The following PDE1C variants were observed in gnomAD, a reference collection of about 807,000 sequenced individuals.
PDE1C encodes phosphodiesterase 1C.
PDE1C carries 62 observed loss-of-function variants against 93.1 expected under a neutral mutation model. The ratio of observed to expected loss-of-function variants is 0.67; its 90% CI spans 0.54 to 0.82. The LOEUF is 0.82. PDE1C is among the 40% of genes least tolerant of loss of function. The probability of loss-of-function intolerance (pLI) is 0.00; values close to 1 mark genes in which losing one functional copy is unlikely to be tolerated. For synonymous variants in PDE1C, 325 were observed against 310.1 expected, an observed-to-expected ratio of 1.05 and a Z score of -0.50; for missense variants, 742 against 884.6, an observed-to-expected ratio of 0.84 and a Z score of 2.04.
At chr7:31,621,650 T>A in the PDE1C span, among the ~76,000 whole-genome samples, 2 of 146,964 alleles carry the variant, frequency 1.4e-5, no homozygotes, top group African/African-American at 5.1e-5. Flanking sequence ...CACTGCAAAA[T>A]CATGCCAAAA....
intron 11 of PDE1C, among the ~76,000 whole-genome samples, chr7:31,832,551 C>G (rs533542258): frequency 6.6e-6 from 1 of 152,278 alleles, no homozygotes; most frequent in East Asian, 1.9e-4. Flanking sequence ...ATTGAGATTT[C>G]CCATTTGAAT....
chr7:31,998,777 G>A (rs1785088960), intron 2 of PDE1C, among the ~76,000 whole-genome samples: 1 of 152,076 alleles, frequency 6.6e-6, no homozygotes, highest in African/African-American at 2.4e-5. Flanking sequence ...TATTTCCACA[G>A]CCAAATCCCA....
intron 17 of PDE1C, among the ~76,000 whole-genome samples, chr7:31,774,785 C>T (rs189235597): frequency 1.3e-5 from 2 of 152,198 alleles, no homozygotes; most frequent in East Asian, 1.9e-4. Context: ...TAATCTAATT[C>T]AAATCTAGAG....
At chr7:31,616,941 A>C in the PDE1C span, among the ~76,000 whole-genome samples, 1 of 152,148 alleles carries the variant, frequency 6.6e-6, no homozygotes, top group Admixed American at 6.5e-5. Context: ...TGTCCTGGTC[A>C]TATTCCAATC....
intron 2 of PDE1C, among the ~76,000 whole-genome samples, chr7:31,968,967 T>C (rs898893071): frequency 3.3e-5 from 5 of 152,154 alleles, no homozygotes; most frequent in Non-Finnish European, 4.4e-5. Flanking sequence ...TTACACCTTA[T>C]ACAAAAATTA....
chr7:32,312,051 G>A (rs1031995804), intron 1 of PDE1C, among the ~76,000 whole-genome samples: 2 of 150,560 alleles, frequency 1.3e-5, no homozygotes, highest in African/African-American at 4.8e-5. Flanking sequence ...AGCAACTTCA[G>A]CAAAGTCTCA....
At chr7:31,883,165 A>T (rs1255682764) in intron 2 of PDE1C, among the ~76,000 whole-genome samples, 2 of 152,238 alleles carry the variant, frequency 1.3e-5, no homozygotes, top group East Asian at 3.8e-4. Flanking sequence ...AGACATTTAT[A>T]TCTACATCTA....
chr7:32,265,484 T>C (rs1014992530), intron 1 of PDE1C, among the ~76,000 whole-genome samples: 4 of 152,140 alleles, frequency 2.6e-5, no homozygotes, highest in Non-Finnish European at 4.4e-5. Context: ...GACGCCACTA[T>C]ATAGACAGGG....
intron 1 of PDE1C, among the ~76,000 whole-genome samples, chr7:32,221,473 G>A (rs1806856749): frequency 6.6e-6 from 1 of 152,160 alleles, no homozygotes; most frequent in Non-Finnish European, 1.5e-5. Context: ...CCATGCCTTT[G>A]ACAAGCCCGT....
intron 2 of PDE1C, among the ~76,000 whole-genome samples, chr7:32,182,545 A>T (rs1180136868): frequency 1.3e-5 from 2 of 152,228 alleles, no homozygotes; most frequent in Non-Finnish European, 2.9e-5. Flanking sequence ...CCAATGATAA[A>T]AACCACATGG....
At chr7:32,392,017 A>T (rs183739671) in intron 1 of PDE1C, among the ~76,000 whole-genome samples, 3 of 152,210 alleles carry the variant, frequency 2.0e-5, no homozygotes, top group African/African-American at 7.2e-5. Flanking sequence ...GAAAAGCAAT[A>T]AAGAAAAATT....
chr7:32,332,218 G>T (rs913497970), intron 1 of PDE1C, among the ~76,000 whole-genome samples: 1 of 151,888 alleles, frequency 6.6e-6, no homozygotes, highest in African/African-American at 2.4e-5. Context: ...AAAATGAACA[G>T]AAGATTTGAA....
the PDE1C span, among the ~76,000 whole-genome samples, chr7:31,678,938 A>G: frequency 2.6e-5 from 4 of 152,300 alleles, no homozygotes; most frequent in East Asian, 5.8e-4. Flanking sequence ...CTCAAAAGCA[A>G]AAGGATACAA....
chr7:32,374,281 A>AAGAG (rs1784393390), intron 1 of PDE1C, among the ~76,000 whole-genome samples: 2 of 149,058 alleles, frequency 1.3e-5, no homozygotes, highest in Non-Finnish European at 3.0e-5. Flanking sequence ...GAAAGAAAGA[A>AAGAG]AGAAAGAAAG....
chr7:32,119,018 T>C (rs2128762327), intron 3 of PDE1C, among the ~76,000 whole-genome samples: 1 of 152,192 alleles, frequency 6.6e-6, no homozygotes, highest in East Asian at 1.9e-4. Context: ...GCCCAAGGCA[T>C]GGGGACAGGG....
intron 2 of PDE1C, among the ~76,000 whole-genome samples, chr7:32,201,925 T>A (rs1805043593): frequency 6.6e-6 from 1 of 152,190 alleles, no homozygotes; most frequent in Non-Finnish European, 1.5e-5. Context: ...AGGAGCTTCG[T>A]AGCACATCTG....
the PDE1C span, among the ~76,000 whole-genome samples, chr7:31,718,146 C>G: frequency 6.6e-6 from 1 of 152,040 alleles, no homozygotes; most frequent in Non-Finnish European, 1.5e-5. Flanking sequence ...CCCAGAGCAC[C>G]AGGTGGACTG....
intron 1 of PDE1C, among the ~76,000 whole-genome samples, chr7:32,412,003 C>T (rs2392055): frequency 0.74 from 112,217 of 151,920 alleles, 42,002 homozygotes; most frequent in African/African-American, 0.85. Context: ...CTTGTCCTAC[C>T]AGGTTTTCAG....
At chr7:31,658,239 G>C in the PDE1C span, 2 of 1,472,976 alleles carry the variant, frequency 1.4e-6, no homozygotes, top group Non-Finnish European at 1.8e-6. Flanking sequence ...GTTGCATTAG[G>C]TTTTGTTTAT....
Sources: gnomAD v4.1 joint callset for allele counts (sites outside exome capture counted in the v4.1 genomes callset) on GRCh38, gnomAD v4.1.1 for gene constraint, MANE v1.5 for transcripts, NCBI Gene and HGNC (gene_info 2026-07-23, HGNC 2026-07-21) for gene names.